The following KIAA1958 variants were observed in gnomAD, a reference collection of about 807,000 sequenced individuals.
KIAA1958 encodes the protein KIAA1958, also known as uncharacterized protein KIAA1958.
A neutral mutation model predicts 47.2 loss-of-function variants in KIAA1958; 14 were observed. The ratio of observed to expected loss-of-function variants is 0.30; its 90% confidence interval spans 0.20 to 0.46. The LOEUF is 0.46. Ranked by LOEUF, KIAA1958 falls within the 20% of genes least tolerant of loss-of-function variation. The pLI, the probability that KIAA1958 is intolerant of heterozygous loss-of-function variation, is 1.00. For synonymous variants in KIAA1958, 354 were observed against 353.3 expected (o/e 1.00, Z -0.02); for missense variants, 803 against 909.2 (o/e 0.88, Z 1.50).
intron 2 of KIAA1958, among the ~76,000 whole-genome samples, chr9:112,611,741 C>T (rs1836331238): frequency 6.6e-6 from 1 of 151,944 alleles, no homozygotes; most frequent in East Asian, 1.9e-4. Context: ...GATTCTAAAG[C>T]TTATTTGTTA....
At chr9:112,649,748 T>A (rs540526672) in intron 3 of KIAA1958, among the ~76,000 whole-genome samples, 3 of 152,176 alleles carry the variant, frequency 2.0e-5, no homozygotes, top group Non-Finnish European at 4.4e-5. Flanking sequence ...CACTATCCTC[T>A]GTGAAAACAG....
chr9:112,591,941 A>G (rs1220379027), intron 2 of KIAA1958, among the ~76,000 whole-genome samples: 1 of 152,176 alleles, frequency 6.6e-6, no homozygotes, highest in African/African-American at 2.4e-5. Flanking sequence ...TCACGCTTGG[A>G]CAAGGGAGGG....
intron 1 of KIAA1958, among the ~76,000 whole-genome samples, chr9:112,487,454 TG>T (rs1833879994): frequency 6.6e-6 from 1 of 151,754 alleles, no homozygotes; most frequent in African/African-American, 2.4e-5. Flanking sequence ...TGCGTGGGGC[TG>T]GCGCCCCCGC....
chr9:112,645,953 A>G lies in KIAA1958; in HGVS notation c.1344+131A>G, dbSNP rs1011984164. On this transcript the variant is annotated intron_variant, in intron 3 of 3. Coordinates refer to ENST00000337530, the MANE Select transcript of KIAA1958 (RefSeq NM_133465.4). ...TGGGGAAACTTTGGAAGAACATGAA[A>G]TAGATAAAATCCACACACAAAGCAG... 1.0e-5 allele frequency: 6 copies of G among 588,920 alleles called. No homozygotes were observed. The African/African-American group carries it at 1.1e-4, about 11-fold the overall frequency. The allele number at this position is 588,920 out of a possible 1,614,324, so 36.5% of individuals were successfully genotyped here.
intron 1 of KIAA1958, among the ~76,000 whole-genome samples, chr9:112,569,218 AT>A (rs1835487767): frequency 6.6e-6 from 1 of 152,150 alleles, no homozygotes; most frequent in Admixed American, 6.5e-5. Context: ...TGCCTATTAA[AT>A]TTCCCCGTTT....
chr9:112,489,461 T>C (rs1177472480), intron 1 of KIAA1958, among the ~76,000 whole-genome samples: 2 of 138,154 alleles, frequency 1.4e-5, no homozygotes, highest in Non-Finnish European at 3.1e-5. Context: ...CCTAGTTTTG[T>C]TTATGTTTTT....
At position 112,574,493 on chromosome 9, in the gene KIAA1958, A is replaced by T. The variant is rs189232038; in HGVS notation, c.413A>T (p.Tyr138Phe). 10 of 1,614,160 alleles carry T rather than the reference A, an allele frequency of 6.2e-6. No individual in the cohort carries two copies. The East Asian group carries it at 2.2e-4, about 36-fold the overall frequency. The part of the protein sequence containing the change: ...PSELDETVEE[Y>F]EDENTLFDMV... ...GAACTGGATGAAACTGTTGAAGAAT[A>T]TGAAGATGAGAACACCCTGTTTGAC... Residue 138 changes from tyrosine to phenylalanine, a missense_variant, in exon 2 of 4, where the codon TAT becomes TTT. Around this residue, in one of 2 missense-constraint regions of KIAA1958, gnomAD observed 761 missense variants for 829.3 expected, o/e 0.92. Coordinates refer to ENST00000337530, the MANE Select transcript of KIAA1958 (RefSeq NM_133465.4).
chr9:112,545,308 C>T (rs1835008665), intron 1 of KIAA1958, among the ~76,000 whole-genome samples: 1 of 152,088 alleles, frequency 6.6e-6, no homozygotes, highest in Non-Finnish European at 1.5e-5. Flanking sequence ...CTGTTAAGTT[C>T]CCCATCAGTA....
chr9:112,503,589 C>CCTGGGCA (rs1834181855), intron 1 of KIAA1958, among the ~76,000 whole-genome samples: 2 of 146,022 alleles, frequency 1.4e-5, no homozygotes, highest in Admixed American at 1.4e-4. Flanking sequence ...TGTACTCCAG[C>CCTGGGCA]CTGGGCAACA....
intron 2 of KIAA1958, among the ~76,000 whole-genome samples, chr9:112,621,238 C>A (rs1836501555): frequency 6.6e-6 from 1 of 152,158 alleles, no homozygotes; most frequent in South Asian, 2.1e-4. Context: ...ACATTTGGAG[C>A]CACAGAGCCT....
At chr9:112,586,290 A>T (rs971095820) in intron 2 of KIAA1958, among the ~76,000 whole-genome samples, 1 of 152,238 alleles carries the variant, frequency 6.6e-6, no homozygotes, top group Non-Finnish European at 1.5e-5. Context: ...ATTCCATGTC[A>T]TAATTTATTC....
intron 1 of KIAA1958, among the ~76,000 whole-genome samples, chr9:112,512,392 A>G (rs1834337895): frequency 6.6e-6 from 1 of 152,184 alleles, no homozygotes; most frequent in Non-Finnish European, 1.5e-5. Context: ...AAAAAAGAAA[A>G]CCATATGATC....
At chr9:112,533,902 A>G (rs1443403589) in intron 1 of KIAA1958, among the ~76,000 whole-genome samples, 2 of 152,216 alleles carry the variant, frequency 1.3e-5, no homozygotes, top group East Asian at 3.8e-4. Flanking sequence ...GGGTGGGGAC[A>G]CAGCCAAACC....
chr9:112,521,039 C>T (rs935969939), intron 1 of KIAA1958, among the ~76,000 whole-genome samples: 4 of 151,342 alleles, frequency 2.6e-5, no homozygotes, highest in African/African-American at 7.3e-5. Flanking sequence ...TTTCTTTTGT[C>T]GTGTTTTAAA....
chr9:112,599,308 A>G (rs956180917), intron 2 of KIAA1958, among the ~76,000 whole-genome samples: 4 of 152,178 alleles, frequency 2.6e-5, no homozygotes, highest in African/African-American at 7.2e-5. Context: ...TTATGTGTAT[A>G]GTGACCCTTT....
intron 3 of KIAA1958, 124 bp from the exon 4 acceptor site, chr9:112,659,139 C>T: frequency 1.3e-6 from 1 of 755,332 alleles, no homozygotes; most frequent in Non-Finnish European, 2.2e-6. Flanking sequence ...ACTGTTCTTT[C>T]CATTGTGTCC....
chr9:112,664,970 A>G lies in KIAA1958; in HGVS notation c.*4901A>G, dbSNP rs1435005041. The G allele has an allele frequency of 6.6e-6, 1 of 152,186 alleles. No homozygotes were observed. The highest frequency in any genetic ancestry group is 1.5e-5 in the Non-Finnish European group (1 of 68,030). 9.4% of individuals were successfully genotyped at this position (152,186 alleles called of 1,614,324 possible). A position where few individuals can be genotyped will look rare whatever the true frequency, so the allele number is the denominator to read the frequency against. On this transcript the variant is annotated 3_prime_UTR_variant, in exon 4 of 4. Transcript: ENST00000337530. ...TTCCTTGTTCATTACAGTCCAGAAA[A>G]TCTGCAGAAGTTCTCCATGTTCAGT...
intron 1 of KIAA1958, among the ~76,000 whole-genome samples, chr9:112,535,836 A>G (rs1717794172): frequency 6.6e-6 from 1 of 151,896 alleles, no homozygotes; most frequent in African/African-American, 2.4e-5. Context: ...ATGATTAGTG[A>G]TGTTGAACAC....
chr9:112,557,999 G>A (rs566038927), intron 1 of KIAA1958, among the ~76,000 whole-genome samples: 4 of 152,216 alleles, frequency 2.6e-5, no homozygotes, highest in African/African-American at 7.2e-5. Flanking sequence ...GGCCGAGGCG[G>A]GTGGATCACG....
Sources: allele counts gnomAD v4.1 joint callset (sites outside exome capture counted in the v4.1 genomes callset), GRCh38; gene constraint gnomAD v4.1.1; regional missense constraint gnomAD v4.1.1; transcripts MANE v1.5; gene names NCBI Gene and HGNC (gene_info 2026-07-23, HGNC 2026-07-21).